Variants in GABRA3 observed in about 807,000 individuals in gnomAD.
The protein encoded by GABRA3 is gamma-aminobutyric acid receptor subunit alpha-3.
Under a neutral mutation model 30.1 loss-of-function variants are expected in GABRA3, and 10 were observed. The ratio of observed to expected loss-of-function variants is 0.33; its 90% confidence interval spans 0.20 to 0.56. GABRA3 has a LOEUF of 0.56. Ranked by LOEUF, GABRA3 falls within the 20% of genes least tolerant of loss-of-function variation. The probability of loss-of-function intolerance (pLI) is 0.89; values close to 1 mark genes in which losing one functional copy is unlikely to be tolerated. For missense variants in GABRA3, 233 were observed against 392.0 expected (o/e 0.59, Z 3.42); for synonymous variants, 151 against 146.8 (o/e 1.03, Z -0.21).
At chrX:152,416,801 C>T (rs200263742) in intron 1 of GABRA3, among the ~76,000 whole-genome samples, 1 of 109,182 alleles carries the variant, frequency 9.2e-6, no homozygotes, top group East Asian at 2.9e-4. Flanking sequence ...ATAAATGGTG[C>T]TGGGAAAACT....
chrX:152,372,321 C>T (rs1235365887), intron 1 of GABRA3, among the ~76,000 whole-genome samples: 1 of 111,479 alleles, frequency 9.0e-6, no homozygotes, highest in African/African-American at 3.3e-5. Flanking sequence ...TTCGGTCTCC[C>T]CTACTCATAC....
chrX:152,235,936 A>C (rs1357029240), intron 5 of GABRA3, among the ~76,000 whole-genome samples: 1 of 107,600 alleles, frequency 9.3e-6, no homozygotes, highest in Non-Finnish European at 1.9e-5. Flanking sequence ...AAAAAGAACA[A>C]AGCATTGCAC....
At chrX:152,273,466 T>C (rs1938984876) in intron 4 of GABRA3, among the ~76,000 whole-genome samples, 1 of 112,417 alleles carries the variant, frequency 8.9e-6, no homozygotes, top group Admixed American at 9.4e-5. Context: ...GAAATCAATA[T>C]GTCCAAGAGC....
intron 6 of GABRA3, among the ~76,000 whole-genome samples, chrX:152,210,327 T>C (rs1033798917): frequency 5.4e-5 from 6 of 112,111 alleles, no homozygotes; most frequent in African/African-American, 1.9e-4. Flanking sequence ...TCTCAGCATG[T>C]CTTAATTTTT....
intron 3 of GABRA3, among the ~76,000 whole-genome samples, chrX:152,290,274 C>T (rs1939382214): frequency 8.9e-6 from 1 of 112,254 alleles, no homozygotes; most frequent in Non-Finnish European, 1.9e-5. Flanking sequence ...TGATGATGAG[C>T]ATTTTTTCAT....
At chrX:152,372,380 G>C (rs997010866) in intron 1 of GABRA3, among the ~76,000 whole-genome samples, 3 of 111,473 alleles carry the variant, frequency 2.7e-5, no homozygotes, top group African/African-American at 9.8e-5. Flanking sequence ...CCAGCCTTAA[G>C]GGACTTTGTA....
intron 3 of GABRA3, among the ~76,000 whole-genome samples, chrX:152,325,836 C>G (rs903875394): frequency 8.9e-6 from 1 of 111,749 alleles, no homozygotes; most frequent in Non-Finnish European, 1.9e-5. Context: ...CGGAACAAAG[C>G]TGGACAGAGA....
chrX:152,380,882 T>C (rs1204148525), intron 1 of GABRA3, among the ~76,000 whole-genome samples: 2 of 111,704 alleles, frequency 1.8e-5, no homozygotes, highest in African/African-American at 6.5e-5. Context: ...GTGGCAGTGT[T>C]GGGAGGTGGG....
intron 1 of GABRA3, among the ~76,000 whole-genome samples, chrX:152,423,838 C>T (rs908970235): frequency 9.0e-6 from 1 of 110,646 alleles, no homozygotes; most frequent in Non-Finnish European, 1.9e-5. Context: ...AATTGGATTA[C>T]AAATGGAATA....
At chrX:152,368,701 C>CTTTT (rs59912352) in intron 1 of GABRA3, among the ~76,000 whole-genome samples, 1 of 49,565 alleles carries the variant, frequency 2.0e-5, no homozygotes, top group African/African-American at 8.2e-5. Context: ...AATTTTTTTT[C>CTTTT]TTTTTTTTTT....
intron 1 of GABRA3, among the ~76,000 whole-genome samples, chrX:152,411,708 A>G (rs1930075803): frequency 8.9e-6 from 1 of 111,833 alleles, no homozygotes; most frequent in South Asian, 3.7e-4. Context: ...GGAACAAAAT[A>G]AAAGATAGAT....
intron 4 of GABRA3, among the ~76,000 whole-genome samples, chrX:152,273,326 T>C (rs76773170): frequency 0.022 from 2,492 of 112,322 alleles, 53 homozygotes; most frequent in East Asian, 0.063. Context: ...GGAAAGCTTA[T>C]ACACTGTTGG....
intron 6 of GABRA3, among the ~76,000 whole-genome samples, chrX:152,222,166 G>A (rs920295222): frequency 1.8e-5 from 2 of 110,262 alleles, no homozygotes; most frequent in African/African-American, 6.6e-5. Context: ...ATTGTGAGTA[G>A]TGCTGCGATG....
chrX:152,200,729 A>G (rs1034243710), intron 7 of GABRA3, among the ~76,000 whole-genome samples: 1 of 112,024 alleles, frequency 8.9e-6, no homozygotes, highest in Non-Finnish European at 1.9e-5. Flanking sequence ...TTAATATATA[A>G]AAGATGTAAT....
At chrX:152,333,152 A>G (rs1940187667) in intron 3 of GABRA3, among the ~76,000 whole-genome samples, 1 of 111,731 alleles carries the variant, frequency 9.0e-6, no homozygotes, top group Non-Finnish European at 1.9e-5. Context: ...CTTTTAGTGG[A>G]TACATGAGAC....
intron 2 of GABRA3, among the ~76,000 whole-genome samples, chrX:152,360,821 C>T (rs1450068888): frequency 9.6e-6 from 1 of 103,882 alleles, no homozygotes; most frequent in Non-Finnish European, 2.0e-5. Flanking sequence ...ACCTGTAATA[C>T]CAACACTTTG....
chrX:152,255,720 G>T, intron 5 of GABRA3, 58 bp downstream of exon 5: 1 of 1,017,969 alleles, frequency 9.8e-7, no homozygotes. Flanking sequence ...AAAACATTCT[G>T]CTTTCAAGCC....
intron 6 of GABRA3, among the ~76,000 whole-genome samples, chrX:152,219,444 A>C (rs745772617): frequency 7.8e-4 from 87 of 111,652 alleles, no homozygotes; most frequent in Non-Finnish European, 1.2e-3. Flanking sequence ...CTGAATATCA[A>C]ATCCAGAGAA....
chrX:152,299,206 G>C (rs1228440866), intron 3 of GABRA3, among the ~76,000 whole-genome samples: 1 of 112,066 alleles, frequency 8.9e-6, no homozygotes, highest in African/African-American at 3.2e-5. Flanking sequence ...AAGTAATGTT[G>C]AAGCCAGAAT....
Sources: gnomAD v4.1 joint callset for allele counts (sites outside exome capture counted in the v4.1 genomes callset) on GRCh38, gnomAD v4.1.1 for gene constraint, MANE v1.5 for transcripts, NCBI Gene and HGNC (gene_info 2026-07-23, HGNC 2026-07-21) for gene names.